Variants in B9D1 observed in about 807,000 individuals in gnomAD.
B9D1 encodes the protein B9 domain containing 1.
B9D1 carries 20 observed loss-of-function variants against 26.1 expected under a neutral mutation model. The ratio of observed to expected loss-of-function variants is 0.77; its 90% CI spans 0.54 to 1.12. B9D1 has a LOEUF of 1.12. B9D1 is among the 50% of genes most tolerant of loss of function. The pLI is 0.00. For missense variants in B9D1, 260 were observed against 273.7 expected, an observed-to-expected ratio of 0.95 and a Z score of 0.35; for synonymous variants, 105 against 103.1, an observed-to-expected ratio of 1.02 and a Z score of -0.11.
At chr17:19,354,276 C>T (rs1415540618) in intron 3 of B9D1, among the ~76,000 whole-genome samples, 2 of 152,222 alleles carry the variant, frequency 1.3e-5, no homozygotes, top group Non-Finnish European at 2.9e-5. Context: ...CGGATCACCA[C>T]TGACAGCTGA....
chr17:19,362,120 A>T (rs1052051494), intron 1 of B9D1, among the ~76,000 whole-genome samples: 2 of 152,220 alleles, frequency 1.3e-5, no homozygotes, highest in East Asian at 1.9e-4. Flanking sequence ...CTGGGGATTC[A>T]GAACGCGGGA....
At chr17:19,346,221 C>T (rs1261766079) in intron 5 of B9D1, among the ~76,000 whole-genome samples, 1 of 152,224 alleles carries the variant, frequency 6.6e-6, no homozygotes, top group African/African-American at 2.4e-5. Flanking sequence ...GGAAAGAAGT[C>T]CTTTGCTACA....
At chr17:19,375,892 C>T (rs889984135) in intron 1 of B9D1, among the ~76,000 whole-genome samples, 1 of 152,186 alleles carries the variant, frequency 6.6e-6, no homozygotes, top group African/African-American at 2.4e-5. Context: ...AGCAATCCCA[C>T]TCCCAAGAGA....
At chr17:19,337,826 AC>A, downstream of B9D1, 1 of 717,634 alleles carries the variant, frequency 1.4e-6, no homozygotes, top group Non-Finnish European at 2.1e-6. Flanking sequence ...TGCCACTCAC[AC>A]CAGTGCCAGA....
intron 3 of B9D1, 53 bp downstream of exon 3, chr17:19,357,787 G>A: frequency 7.7e-7 from 1 of 1,294,556 alleles, no homozygotes; most frequent in Non-Finnish European, 1.1e-6. Flanking sequence ...CTGTCTTGGG[G>A]GTGCTGTGTG....
chr17:19,364,164 CAGT>C (rs531596717), upstream of B9D1, among the ~76,000 whole-genome samples: 803 of 152,298 alleles, frequency 5.3e-3, 3 homozygotes, highest in Non-Finnish European at 5.3e-3. The surrounding 1 kb of genome is among the most constrained non-coding windows in gnomAD (Gnocchi z 4.3). Flanking sequence ...TGGGGGCTCC[CAGT>C]AGTTTAAGAC....
chr17:19,376,174 A>C (rs1297452954), intron 1 of B9D1, among the ~76,000 whole-genome samples: 1 of 152,236 alleles, frequency 6.6e-6, no homozygotes, highest in Admixed American at 6.5e-5. Context: ...CCATAGAGAC[A>C]GAAAGTAGTT....
chr17:19,343,815 C>T lies in B9D1; in HGVS notation c.447G>A (p.Val149=). The part of the protein sequence containing the change: ...GRRPEYTDPK[V]VAQGEGREVT... ...CTTCCCGGCCTTCACCCTGAGCCAC[C>T]ACCTTGGGGTCTGTGTACTCGGGCC... Residue 149 remains valine, a synonymous_variant, in exon 6 of 7, where the codon GTG becomes GTA. Coordinates refer to ENST00000261499, the MANE Select transcript of B9D1 (RefSeq NM_015681.6). The T allele has an allele frequency of 6.2e-7, 1 of 1,614,112 alleles. No homozygotes were observed. Among genetic ancestry groups the T allele is most frequent in the Admixed American group, 1.7e-5 (1 of 60,024 alleles).
chr17:19,367,653 A>G (rs541604268), upstream of B9D1, among the ~76,000 whole-genome samples: 26 of 152,328 alleles, frequency 1.7e-4, no homozygotes, highest in African/African-American at 5.3e-4. Flanking sequence ...GGCATTCTGT[A>G]TATCACCTTG....
chr17:19,349,168 T>C (rs1909265297), intron 3 of B9D1, among the ~76,000 whole-genome samples: 1 of 152,186 alleles, frequency 6.6e-6, no homozygotes, highest in Non-Finnish European at 1.5e-5. Context: ...AAACATGGCA[T>C]TACCAATCTT....
chr17:19,340,121 T>C (rs1034798504), downstream of B9D1, among the ~76,000 whole-genome samples: 8 of 148,092 alleles, frequency 5.4e-5, no homozygotes, highest in African/African-American at 2.0e-4. Flanking sequence ...TGGGCAGGGA[T>C]GCAAGGAGCT....
upstream of B9D1, chr17:19,363,874 G>A (rs1030608606): frequency 6.6e-6 from 1 of 152,214 alleles, no homozygotes; most frequent in Non-Finnish European, 1.5e-5. Flanking sequence ...GGGAGGCAGC[G>A]GGTAACCAGT....
At chr17:19,367,813 G>A (rs899052286) in intron 1 of B9D1, among the ~76,000 whole-genome samples, 2 of 152,146 alleles carry the variant, frequency 1.3e-5, no homozygotes, top group African/African-American at 2.4e-5. Context: ...GCTCTCCCTG[G>A]GCTTCCTCAG....
At chr17:19,340,974 G>C, downstream of B9D1, 1 of 324,618 alleles carries the variant, frequency 3.1e-6, no homozygotes, top group Non-Finnish European at 5.1e-6. Flanking sequence ...ATTGAAGCAG[G>C]GATGAATAGT....
At chr17:19,363,246 C>G (rs1248445789), upstream of B9D1, among the ~76,000 whole-genome samples, 1 of 152,214 alleles carries the variant, frequency 6.6e-6, no homozygotes, top group African/African-American at 2.4e-5. Context: ...TGGGAGGGAC[C>G]TCAAGAATCC....
chr17:19,344,033 G>GA (rs1908359433), intron 5 of B9D1, among the ~76,000 whole-genome samples, 176 bp from the exon 6 acceptor site: 2 of 152,218 alleles, frequency 1.3e-5, no homozygotes, highest in Admixed American at 1.3e-4. Context: ...GGGCTCCAGC[G>GA]TGGGGTGTCC....
downstream of B9D1, among the ~76,000 whole-genome samples, chr17:19,338,752 C>A (rs1907668514): frequency 6.6e-6 from 1 of 152,162 alleles, no homozygotes; most frequent in Non-Finnish European, 1.5e-5. Flanking sequence ...TGTCAGTAGC[C>A]CCCATGAGCC....
downstream of B9D1, among the ~76,000 whole-genome samples, chr17:19,338,135 G>T (rs1907609009): frequency 6.6e-6 from 1 of 152,210 alleles, no homozygotes; most frequent in Non-Finnish European, 1.5e-5. Context: ...AACAAAGCAG[G>T]GCAGGGGTCA....
intron 3 of B9D1, among the ~76,000 whole-genome samples, chr17:19,355,199 A>G (rs1024201907): frequency 8.5e-5 from 13 of 152,210 alleles, no homozygotes; most frequent in African/African-American, 3.1e-4. Context: ...GCTTTTGGTT[A>G]TCATATTTTT....
Sources: allele counts gnomAD v4.1 joint callset (sites outside exome capture counted in the v4.1 genomes callset), GRCh38; gene constraint gnomAD v4.1.1; non-coding constraint Gnocchi (gnomAD v3.1); transcripts MANE v1.5; gene names NCBI Gene and HGNC (gene_info 2026-07-23, HGNC 2026-07-21).